CTNNA3: variants seen among roughly 807,000 people sequenced by gnomAD.
The protein encoded by CTNNA3 is catenin alpha 3, also known as catenin alpha-3.
In CTNNA3, 76 loss-of-function variants were observed where a neutral mutation model predicts 95.7. The observed-to-expected ratio is 0.79, with a 90% confidence interval of 0.66 to 0.96. The LOEUF (loss-of-function observed/expected upper bound fraction) is 0.96. Among genes scored for constraint, CTNNA3 ranks in the 40% least tolerant of loss-of-function variants. The pLI is 0.00. For missense variants in CTNNA3, 1,191 were observed against 1,089.8 expected (o/e 1.09, Z -1.31); for synonymous variants, 431 against 374.4 (o/e 1.15, Z -1.74).
chr10:66,344,195 C>A (rs932810280), intron 12 of CTNNA3, among the ~76,000 whole-genome samples: 1 of 145,098 alleles, frequency 6.9e-6, no homozygotes, highest in African/African-American at 2.5e-5. Context: ...CCATTGCACT[C>A]CAGCCTGGGG....
chr10:66,636,348 C>T lies in CTNNA3; in HGVS notation c.1282-14564G>A, dbSNP rs528632257. ...CTCTACAGCACACTGAAATACTGGA[C>T]ACATACTGTGAGTAGTGGCCATTAC... On this transcript the variant is annotated intron_variant, in intron 9 of 17. Coordinates refer to ENST00000433211, the MANE Select transcript of CTNNA3 (RefSeq NM_013266.4). 8.5e-5 allele frequency among the ~76,000 whole-genome samples: 13 copies of T among 152,134 alleles called. No individual in the cohort carries two copies. The East Asian group carries it at 2.5e-3, about 29-fold the overall frequency.
chr10:67,555,609 C>G (rs1244482314), intron 3 of CTNNA3, among the ~76,000 whole-genome samples: 4 of 152,112 alleles, frequency 2.6e-5, no homozygotes, highest in Admixed American at 2.6e-4. Flanking sequence ...GATTTTGTAT[C>G]CTGAGACTTT....
intron 7 of CTNNA3, among the ~76,000 whole-genome samples, chr10:66,896,429 T>C (rs1280286781): frequency 2.0e-5 from 3 of 152,196 alleles, no homozygotes; most frequent in Admixed American, 6.5e-5. Flanking sequence ...GCTTTGTTTG[T>C]TTTTGTTTAT....
chr10:66,501,492 C>G (rs1396874736), intron 11 of CTNNA3, among the ~76,000 whole-genome samples: 2 of 152,092 alleles, frequency 1.3e-5, no homozygotes, highest in Non-Finnish European at 2.9e-5. Context: ...TAGGCTTTAT[C>G]CACCATTTCA....
At chr10:67,701,752 C>T (rs1293431913) in intron 1 of CTNNA3, among the ~76,000 whole-genome samples, 3 of 152,226 alleles carry the variant, frequency 2.0e-5, no homozygotes, top group South Asian at 4.2e-4. Flanking sequence ...ATCATAATGA[C>T]AGGATCAAAT....
chr10:67,323,160 T>A (rs747640432), intron 5 of CTNNA3, among the ~76,000 whole-genome samples: 38 of 152,198 alleles, frequency 2.5e-4, no homozygotes, highest in Non-Finnish European at 5.6e-4. Context: ...CCTCCCATTC[T>A]TTAGGTTGTC....
intron 5 of CTNNA3, among the ~76,000 whole-genome samples, chr10:67,397,887 G>A (rs1315979431): frequency 6.6e-6 from 1 of 152,252 alleles, no homozygotes; most frequent in Non-Finnish European, 1.5e-5. Flanking sequence ...TCCACATGGT[G>A]TTGAGCCTGT....
chr10:67,260,157 C>G (rs1866538769), intron 5 of CTNNA3, among the ~76,000 whole-genome samples: 1 of 152,136 alleles, frequency 6.6e-6, no homozygotes, highest in South Asian at 2.1e-4. Context: ...GAGCCATCAT[C>G]TGGAGGGAGT....
At chr10:66,974,268 G>C (rs564363331) in intron 7 of CTNNA3, among the ~76,000 whole-genome samples, 1 of 152,288 alleles carries the variant, frequency 6.6e-6, no homozygotes, top group East Asian at 1.9e-4. Context: ...TGGTGACATA[G>C]GCTGGAGAAT....
intron 1 of CTNNA3, among the ~76,000 whole-genome samples, chr10:67,704,441 G>A (rs950570836): frequency 2.0e-5 from 3 of 152,144 alleles, no homozygotes; most frequent in Non-Finnish European, 2.9e-5. Context: ...ATAGATCAAT[G>A]GAACAGACCA....
intron 3 of CTNNA3, among the ~76,000 whole-genome samples, chr10:67,553,967 T>C (rs991962103): frequency 1.3e-5 from 2 of 152,150 alleles, no homozygotes; most frequent in African/African-American, 4.8e-5. Context: ...TGTCCAAGTG[T>C]TCCCATTGTT....
intron 1 of CTNNA3, among the ~76,000 whole-genome samples, chr10:67,723,614 C>T (rs1460868916): frequency 6.6e-6 from 1 of 152,128 alleles, no homozygotes. Flanking sequence ...CTTTGATAAA[C>T]AATTTAATCC....
intron 1 of CTNNA3, among the ~76,000 whole-genome samples, chr10:67,648,972 C>A (rs1265196852): frequency 3.9e-5 from 6 of 152,202 alleles, no homozygotes; most frequent in African/African-American, 1.4e-4. Context: ...CCTTCTAACA[C>A]AGGGAAATCT....
intron 5 of CTNNA3, among the ~76,000 whole-genome samples, chr10:67,400,396 A>G (rs1844873792): frequency 6.6e-6 from 1 of 152,242 alleles, no homozygotes; most frequent in Non-Finnish European, 1.5e-5. Flanking sequence ...TAAGCTTACA[A>G]ATACATTTAT....
chr10:67,448,651 T>A (rs1157785034), intron 5 of CTNNA3, among the ~76,000 whole-genome samples: 8 of 151,618 alleles, frequency 5.3e-5, no homozygotes, highest in African/African-American at 1.9e-4. Context: ...TGTTGTACAT[T>A]TTATACTAAA....
Position 66,340,422 on chromosome 10 carries a change from A to G in CTNNA3, c.1732+38730T>C, listed in dbSNP as rs377356676. Among the ~76,000 whole-genome samples, 69 of 151,974 alleles carry G rather than the reference A, an allele frequency of 4.5e-4. 1 individual carries two copies. In the South Asian group the frequency reaches 0.014, roughly 31 times the overall value. ...AAACCTAAAATCTAAACTCTAATTT[A>G]GAGATGGTAGAGCTGTTTGTTTGTT... On this transcript the variant is annotated intron_variant, in intron 12 of 17. Transcript: ENST00000433211.
intron 7 of CTNNA3, among the ~76,000 whole-genome samples, chr10:66,972,356 A>T (rs1849767508): frequency 6.6e-6 from 1 of 152,102 alleles, no homozygotes; most frequent in African/African-American, 2.4e-5. Context: ...AATGAGGTCT[A>T]TGTTGCCCAG....
At chr10:66,197,631 T>A (rs1284352055) in intron 13 of CTNNA3, among the ~76,000 whole-genome samples, 2 of 152,214 alleles carry the variant, frequency 1.3e-5, no homozygotes, top group Non-Finnish European at 2.9e-5. Context: ...GATATCAGAT[T>A]TCTGTCTTCC....
chr10:66,267,316 C>T (rs2091181723), intron 13 of CTNNA3, among the ~76,000 whole-genome samples: 2 of 152,090 alleles, frequency 1.3e-5, no homozygotes, highest in South Asian at 4.1e-4. Context: ...GTCTTGACCT[C>T]CGTATCCTTG....
Sources: gnomAD v4.1 joint callset for allele counts (sites outside exome capture counted in the v4.1 genomes callset) on GRCh38, gnomAD v4.1.1 for gene constraint, MANE v1.5 for transcripts, NCBI Gene and HGNC (gene_info 2026-07-23, HGNC 2026-07-21) for gene names.